Variants in GRIK4 observed in about 807,000 individuals in gnomAD.
GRIK4 encodes glutamate ionotropic receptor kainate type subunit 4, also known as glutamate receptor ionotropic, kainate 4.
GRIK4 carries 40 observed loss-of-function variants against 104.9 expected under a neutral mutation model. The observed-to-expected ratio is 0.38, with a 90% CI of 0.30 to 0.50. The LOEUF is 0.50. Among genes scored for constraint, GRIK4 ranks in the 20% least tolerant of loss-of-function variants. The probability of loss-of-function intolerance (pLI) is 0.93; values close to 1 mark genes in which losing one functional copy is unlikely to be tolerated. For synonymous variants in GRIK4, 485 were observed against 524.9 expected (o/e 0.92, Z 1.04); for missense variants, 1,047 against 1,308.1 (o/e 0.80, Z 3.08).
chr11:120,542,515 G>A (rs1410724726), intron 1 of GRIK4, among the ~76,000 whole-genome samples: 1 of 152,128 alleles, frequency 6.6e-6, no homozygotes, highest in Non-Finnish European at 1.5e-5. Context: ...AAATGAAAAG[G>A]CAACGTATGT....
chr11:120,684,441 G>T lies in GRIK4; in HGVS notation c.82+24041G>T, dbSNP rs972879034. Among the ~76,000 whole-genome samples the T allele has an allele frequency of 2.0e-5, 3 of 152,198 alleles. 1 individual carries two copies. Among genetic ancestry groups the T allele is most frequent in the Admixed American group, 1.3e-4 (2 of 15,270 alleles). On this transcript the variant is annotated intron_variant, in intron 3 of 20. Coordinates refer to ENST00000527524, the MANE Select transcript of GRIK4 (RefSeq NM_014619.5). ...TATGGCCAAGCCATTGTAAGTCAGG[G>T]TTAAGAAGAAAATTGACATTATTTG... is the stretch of plus-strand genomic sequence containing the variant.
intron 11 of GRIK4, among the ~76,000 whole-genome samples, chr11:120,879,539 G>C (rs1162809607): frequency 1.3e-5 from 2 of 152,204 alleles, no homozygotes. Context: ...TAGTCTATCA[G>C]AACTCAGGAT....
chr11:120,929,778 G>C (rs756011822), intron 13 of GRIK4, among the ~76,000 whole-genome samples: 5 of 152,160 alleles, frequency 3.3e-5, no homozygotes, highest in Non-Finnish European at 5.9e-5. Context: ...GTGTTAGAGG[G>C]AACCGGGTCT....
chr11:120,975,868 G>A (rs1261005291), intron 19 of GRIK4, among the ~76,000 whole-genome samples: 3 of 152,114 alleles, frequency 2.0e-5, no homozygotes, highest in Non-Finnish European at 4.4e-5. Context: ...GGAACCTTGG[G>A]CAAGTTACCT....
intron 1 of GRIK4, among the ~76,000 whole-genome samples, chr11:120,519,337 G>A (rs1288709604): frequency 3.3e-5 from 5 of 152,148 alleles, no homozygotes; most frequent in Admixed American, 6.5e-5. Flanking sequence ...TAGGAGGTGG[G>A]GCATTTGGGA....
chr11:120,539,212 G>T (rs1948007785), intron 1 of GRIK4, among the ~76,000 whole-genome samples: 1 of 152,174 alleles, frequency 6.6e-6, no homozygotes, highest in African/African-American at 2.4e-5. Flanking sequence ...GGGTGGTTTT[G>T]GGGGGCCTGT....
At chr11:120,830,311 G>A (rs765746386) in intron 6 of GRIK4, among the ~76,000 whole-genome samples, 3 of 151,966 alleles carry the variant, frequency 2.0e-5, no homozygotes, top group Admixed American at 6.5e-5. Flanking sequence ...TTTGTCCTCC[G>A]AGGCAGCCTG....
intron 20 of GRIK4, 145 bp downstream of exon 20, chr11:120,982,369 AATGCTTCATTACT>A: frequency 1.5e-6 from 1 of 651,660 alleles, no homozygotes; most frequent in Admixed American, 2.4e-5. Context: ...GATTTGGATC[AATGCTTCATTACT>A]TAGTAATTAT....
chr11:120,836,179 G>A (rs1156646108), intron 7 of GRIK4, among the ~76,000 whole-genome samples: 1 of 152,188 alleles, frequency 6.6e-6, no homozygotes, highest in Non-Finnish European at 1.5e-5. Context: ...TGAAGGGGGA[G>A]TATAGAGTTT....
rs1051341445 is a variant in GRIK4 at position 120,549,660 on chromosome 11, A to G, written c.-159+37773A>G. On this transcript the variant is annotated intron_variant, in intron 1 of 20. Coordinates refer to ENST00000527524, the MANE Select transcript of GRIK4 (RefSeq NM_014619.5). The surrounding 1 kb of genome is among the most constrained non-coding windows in gnomAD (Gnocchi z 4.7). Reference sequence around the variant, plus strand: ...CAGCTCACAGCAGGGGCCTGGGACAAGACAAGCAGAGGCTGAGGGCGGGTC... The same window carrying G: ...CAGCTCACAGCAGGGGCCTGGGACAGGACAAGCAGAGGCTGAGGGCGGGTC... Among the ~76,000 whole-genome samples, 2 of 152,232 alleles carry G rather than the reference A, an allele frequency of 1.3e-5. No homozygotes were observed. Among genetic ancestry groups the G allele is most frequent in the African/African-American group, 4.8e-5 (2 of 41,476 alleles).
chr11:120,895,218 G>A lies in GRIK4; in HGVS notation c.1165-3314G>A, dbSNP rs141188336. Among the ~76,000 whole-genome samples the A allele has an allele frequency of 1.9e-3, 295 of 152,248 alleles. 2 individuals carry two copies. Among genetic ancestry groups the A allele is most frequent in the African/African-American group, 6.6e-3 (273 of 41,520 alleles). On this transcript the variant is annotated intron_variant, in intron 11 of 20. Coordinates refer to ENST00000527524, the MANE Select transcript of GRIK4 (RefSeq NM_014619.5). ...GTGATTGGTGAGGATTAGATCCCTT[G>A]AGAACAGTGGCGGTGGGAAAGTGGG...
At chr11:120,582,805 G>C (rs898064212) in intron 1 of GRIK4, among the ~76,000 whole-genome samples, 1 of 152,142 alleles carries the variant, frequency 6.6e-6, no homozygotes, top group African/African-American at 2.4e-5. Context: ...TGTGAATAGT[G>C]CTTCAGTGAA....
chr11:120,978,119 T>C (rs1176547173), intron 19 of GRIK4, among the ~76,000 whole-genome samples: 3 of 152,226 alleles, frequency 2.0e-5, no homozygotes, highest in Non-Finnish European at 2.9e-5. Context: ...TGCTCATTCT[T>C]TCCACAAACA....
intron 3 of GRIK4, among the ~76,000 whole-genome samples, chr11:120,708,674 G>A (rs143900696): frequency 3.3e-5 from 5 of 152,330 alleles, no homozygotes; most frequent in South Asian, 2.1e-4. Context: ...GAAGCTGCCC[G>A]CCTAAAGGTT....
chr11:120,746,987 A>G (rs1023742358), intron 3 of GRIK4, among the ~76,000 whole-genome samples: 2 of 152,188 alleles, frequency 1.3e-5, no homozygotes, highest in African/African-American at 4.8e-5. Flanking sequence ...TGAGCCAGGG[A>G]CGATGGGCTT....
chr11:120,789,460 C>T lies in GRIK4; in HGVS notation c.83-13233C>T, dbSNP rs185460352. On this transcript the variant is annotated intron_variant, in intron 3 of 20. Coordinates refer to ENST00000527524, the MANE Select transcript of GRIK4 (RefSeq NM_014619.5). ...CTGCCTCTTCTCTTTGATCCTCTTT[C>T]CGTGCCCCTCACTACCTGTCTCATT... 1.5e-3 allele frequency among the ~76,000 whole-genome samples: 233 copies of T among 152,178 alleles called. 2 individuals carry two copies. Among genetic ancestry groups the T allele is most frequent in the South Asian group, 6.2e-4 (3 of 4,812 alleles).
intron 1 of GRIK4, among the ~76,000 whole-genome samples, chr11:120,583,024 T>A (rs1356343000): frequency 6.6e-6 from 1 of 152,350 alleles, no homozygotes; most frequent in African/African-American, 2.4e-5. Flanking sequence ...CATCTGTTAT[T>A]TTTTTACTTT....
chr11:120,943,773 A>G (rs1020051782), intron 14 of GRIK4, among the ~76,000 whole-genome samples: 1 of 152,222 alleles, frequency 6.6e-6, no homozygotes, highest in Non-Finnish European at 1.5e-5. Context: ...ATCTGGTGGC[A>G]ATCAAACCTG....
chr11:120,940,392 GAGA>G lies in GRIK4; in HGVS notation c.1525_1527del (p.Lys509del), dbSNP rs1279700851. The G allele has an allele frequency of 6.2e-7, 1 of 1,613,942 alleles. No homozygotes were observed. The highest frequency in any genetic ancestry group is 8.5e-7 in the Non-Finnish European group (1 of 1,179,828). On this transcript the variant is annotated inframe_deletion, in exon 14 of 21. Transcript: ENST00000527524. This position sits in a 1 kb window ranked among gnomAD's most constrained non-coding sequence, Gnocchi z 4.3. ...AGGCCTCACCATTACAGCTGAACGG[GAGA>G]AGGTGATTGATTTCTCTAAGCCATT... is the stretch of plus-strand genomic sequence containing the variant.
Sources: allele counts gnomAD v4.1 joint callset (sites outside exome capture counted in the v4.1 genomes callset), GRCh38; gene constraint gnomAD v4.1.1; non-coding constraint Gnocchi (gnomAD v3.1); transcripts MANE v1.5; gene names NCBI Gene and HGNC (gene_info 2026-07-23, HGNC 2026-07-21).